MIPOL1: variants seen among roughly 807,000 people sequenced by gnomAD.
The protein encoded by MIPOL1 is mirror-image polydactyly gene 1 protein.
Under a neutral mutation model 60.9 loss-of-function variants are expected in MIPOL1, and 57 were observed. The ratio of observed to expected loss-of-function variants is 0.94; its 90% CI spans 0.76 to 1.17. The LOEUF (loss-of-function observed/expected upper bound fraction) is 1.17. Among genes scored for constraint, MIPOL1 ranks in the 50% most tolerant of loss-of-function variants. The pLI, the probability that MIPOL1 is intolerant of heterozygous loss-of-function variation, is 0.00. For synonymous variants in MIPOL1, 179 were observed against 168.8 expected (o/e 1.06, Z -0.47); for missense variants, 551 against 511.6 (o/e 1.08, Z -0.74).
chr14:37,241,875 T>A (rs1477035985), intron 1 of MIPOL1, among the ~76,000 whole-genome samples: 1 of 152,206 alleles, frequency 6.6e-6, no homozygotes, highest in African/African-American at 2.4e-5. Flanking sequence ...CTTTCTTACA[T>A]TTTGAACTTC....
At chr14:37,256,243 A>G (rs1432759921) in intron 3 of MIPOL1, among the ~76,000 whole-genome samples, 2 of 151,884 alleles carry the variant, frequency 1.3e-5, no homozygotes, top group Non-Finnish European at 2.9e-5. Flanking sequence ...AGATTAGGGT[A>G]GGTATGGTTC....
chr14:37,309,253 G>A (rs1481277626), intron 9 of MIPOL1, among the ~76,000 whole-genome samples: 1 of 151,840 alleles, frequency 6.6e-6, no homozygotes, highest in East Asian at 1.9e-4. Context: ...ACAGGCATGA[G>A]CCACCACACC....
intron 11 of MIPOL1, among the ~76,000 whole-genome samples, chr14:37,474,309 T>G (rs977136020): frequency 6.6e-6 from 1 of 152,180 alleles, no homozygotes; most frequent in Non-Finnish European, 1.5e-5. Flanking sequence ...ATGGTGACAT[T>G]CTTTGGCTGT....
chr14:37,346,955 T>G (rs1433166574), intron 9 of MIPOL1, among the ~76,000 whole-genome samples: 1 of 152,138 alleles, frequency 6.6e-6, no homozygotes, highest in African/African-American at 2.4e-5. Flanking sequence ...GGGAGTATAG[T>G]GAACACATTA....
intron 1 of MIPOL1, among the ~76,000 whole-genome samples, chr14:37,238,859 A>AGGGGTATTGCTT (rs1418365897): frequency 1.3e-5 from 2 of 151,738 alleles, no homozygotes; most frequent in African/African-American, 4.8e-5. Context: ...AGGCCAAGGC[A>AGGGGTATTGCTT]GGGGTATTGC....
intron 10 of MIPOL1, among the ~76,000 whole-genome samples, chr14:37,393,881 T>C (rs1451554317): frequency 6.8e-6 from 1 of 147,824 alleles, no homozygotes; most frequent in Non-Finnish European, 1.5e-5. Flanking sequence ...CCAAAGTCCA[T>C]TGTATCATTC....
chr14:37,238,399 C>T (rs1971820283), intron 1 of MIPOL1, among the ~76,000 whole-genome samples: 1 of 152,062 alleles, frequency 6.6e-6, no homozygotes, highest in African/African-American at 2.4e-5. Context: ...CATTCTCACC[C>T]CAGGATAATA....
At chr14:37,522,049 CT>C (rs2095418014) in intron 12 of MIPOL1, among the ~76,000 whole-genome samples, 1 of 149,336 alleles carries the variant, frequency 6.7e-6, no homozygotes, top group African/African-American at 2.5e-5. Flanking sequence ...TTGCTCAACC[CT>C]TTTACTCTCA....
intron 9 of MIPOL1, among the ~76,000 whole-genome samples, chr14:37,344,862 C>T (rs1318767921): frequency 6.6e-6 from 1 of 151,914 alleles, no homozygotes; most frequent in East Asian, 1.9e-4. Context: ...AAGTCCTCAT[C>T]TCGACAAAAT....
At chr14:37,400,242 G>A (rs1353920425) in intron 10 of MIPOL1, 2 of 151,892 alleles carry the variant, frequency 1.3e-5, no homozygotes, top group Non-Finnish European at 2.9e-5. Flanking sequence ...GGAAGAGATA[G>A]GAAAGAATGT....
chr14:37,256,688 T>C (rs1320416370), intron 3 of MIPOL1, among the ~76,000 whole-genome samples: 4 of 151,850 alleles, frequency 2.6e-5, no homozygotes, highest in African/African-American at 9.7e-5. Context: ...GGTAAGAAGA[T>C]GACAAAAAAT....
At chr14:37,489,827 C>T (rs905851601) in intron 11 of MIPOL1, among the ~76,000 whole-genome samples, 4 of 152,136 alleles carry the variant, frequency 2.6e-5, no homozygotes, top group Admixed American at 6.5e-5. Flanking sequence ...CTGGAAGCTT[C>T]GTCCTAGAGG....
intron 10 of MIPOL1, among the ~76,000 whole-genome samples, chr14:37,379,326 C>T (rs2092863712): frequency 6.6e-6 from 1 of 151,986 alleles, no homozygotes; most frequent in South Asian, 2.1e-4. Context: ...AAATTTTTCA[C>T]AAATCTAAAT....
intron 12 of MIPOL1, among the ~76,000 whole-genome samples, chr14:37,542,414 A>G (rs186425389): frequency 8.1e-4 from 123 of 152,256 alleles, no homozygotes; most frequent in African/African-American, 2.9e-3. Flanking sequence ...TGCAACCGAA[A>G]GTAAAATGTA....
At chr14:37,239,846 GTC>G (rs1972073972) in intron 1 of MIPOL1, among the ~76,000 whole-genome samples, 1 of 152,096 alleles carries the variant, frequency 6.6e-6, no homozygotes, top group Non-Finnish European at 1.5e-5. Flanking sequence ...GGAACTATAA[GTC>G]TAATTTATTT....
chr14:37,539,612 C>G (rs563666816), intron 12 of MIPOL1, among the ~76,000 whole-genome samples: 2 of 152,142 alleles, frequency 1.3e-5, no homozygotes, highest in South Asian at 4.2e-4. Context: ...CAAAGCCCTT[C>G]GAGGACTGGA....
intron 1 of MIPOL1, among the ~76,000 whole-genome samples, chr14:37,205,999 C>A (rs908716556): frequency 1.3e-5 from 2 of 152,116 alleles, no homozygotes; most frequent in African/African-American, 4.8e-5. Context: ...TGCAGCCTGA[C>A]CCTGCAATTG....
chr14:37,211,186 A>G lies in MIPOL1; in HGVS notation c.-199+13082A>G, dbSNP rs112213608. Among the ~76,000 whole-genome samples, 3 of 62,736 alleles carry G rather than the reference A, an allele frequency of 4.8e-5. 1 individual carries two copies. Among genetic ancestry groups the G allele is most frequent in the African/African-American group, 1.9e-4 (3 of 16,136 alleles). 41.2% of individuals were successfully genotyped at this position (62,736 alleles called of 152,430 possible). A position where few individuals can be genotyped will look rare whatever the true frequency, so the allele number is the denominator to read the frequency against. On this transcript the variant is annotated intron_variant, in intron 1 of 12. Transcript: ENST00000684589. ...GATGGAATAGAAAGCTCCACTGCCC[A>G]CCCCCCCACCCCCCAGACAAGGACA...
At chr14:37,284,244 C>G (rs1015872362) in intron 6 of MIPOL1, among the ~76,000 whole-genome samples, 1 of 152,016 alleles carries the variant, frequency 6.6e-6, no homozygotes, top group African/African-American at 2.4e-5. Context: ...CTTCCCTTAC[C>G]CATTTTCTTT....
Sources: allele counts gnomAD v4.1 joint callset (sites outside exome capture counted in the v4.1 genomes callset), GRCh38; gene constraint gnomAD v4.1.1; transcripts MANE v1.5; gene names NCBI Gene and HGNC (gene_info 2026-07-23, HGNC 2026-07-21).